Variants in SORCS2 observed in about 807,000 individuals in gnomAD.
The protein encoded by SORCS2 is sortilin related VPS10 domain containing receptor 2.
Under a neutral mutation model 141.6 loss-of-function variants are expected in SORCS2, and 100 were observed. The observed-to-expected ratio is 0.71, with a 90% CI of 0.60 to 0.83. The LOEUF (loss-of-function observed/expected upper bound fraction) is 0.83, where lower values mean the gene tolerates loss of function less well. Among genes scored for constraint, SORCS2 ranks in the 40% least tolerant of loss-of-function variants. The probability of loss-of-function intolerance (pLI) is 0.00; values close to 1 mark genes in which losing one functional copy is unlikely to be tolerated. For missense variants in SORCS2, 1,646 were observed against 1,560.2 expected (o/e 1.05, Z -0.93); for synonymous variants, 789 against 676.9 (o/e 1.17, Z -2.57).
At position 7,198,163 on chromosome 4, in the gene SORCS2, G is replaced by C. The variant is rs576892024; in HGVS notation, c.480+5037G>C. The stretch of plus-strand genomic sequence containing the variant: ...CTGTGGAGGGGGCTGAGGGAGAGGA[G>C]AGTGGGCTGGAGAGAGGTGCGTGGC... On this transcript the variant is annotated intron_variant, in intron 1 of 26. Transcript: ENST00000507866. Among the ~76,000 whole-genome samples the C allele has an allele frequency of 7.9e-5, 12 of 152,290 alleles. No individual in the cohort carries two copies. The South Asian group carries it at 2.5e-3, about 32-fold the overall frequency.
intron 6 of SORCS2, among the ~76,000 whole-genome samples, chr4:7,662,398 C>T (rs57420558): frequency 0.051 from 7,783 of 152,174 alleles, 385 homozygotes; most frequent in African/African-American, 0.13. Context: ...TCCTCCCTTT[C>T]TGAATTTCTT....
chr4:7,653,432 G>T (rs916743153), intron 4 of SORCS2, among the ~76,000 whole-genome samples: 2 of 152,196 alleles, frequency 1.3e-5, no homozygotes, highest in Admixed American at 6.5e-5. Context: ...TAGTAGAGGC[G>T]GGGTTTCTCC....
rs143606333 is a variant in SORCS2, at chr4:7,269,074, C to G, written c.480+75948C>G. On this transcript the variant is annotated intron_variant, in intron 1 of 26. Transcript: ENST00000507866. ...GTTGACGGGAGTAGGTCTAGGAGCC[C>G]CACAGGCAGCCGATTCAGCATCAGC... Among the ~76,000 whole-genome samples, 15 of 152,150 alleles carry G rather than the reference C, an allele frequency of 9.9e-5. No homozygotes were observed. In the East Asian group the frequency reaches 2.9e-3, roughly 29 times the overall value.
chr4:7,224,770 T>G (rs1017121698), intron 1 of SORCS2, among the ~76,000 whole-genome samples: 3 of 151,938 alleles, frequency 2.0e-5, no homozygotes, highest in Non-Finnish European at 4.4e-5. Flanking sequence ...CAGGGGCCCC[T>G]GTGGACCTCC....
rs1711642572 is a variant in SORCS2 at position 7,531,511 on chromosome 4, T to C, written c.549-19T>C. 6.2e-7 allele frequency: 1 copy of C among 1,611,432 alleles called. No individual in the cohort carries two copies. The highest frequency in any genetic ancestry group is 1.3e-5 in the African/African-American group (1 of 74,882). ...ACTTGGAGGGTACATGGCTGACGGC[T>C]GTCCCCCTTTTCCCCCAGGTCATCA... On this transcript the variant is annotated intron_variant, in intron 2 of 26. Transcript: ENST00000507866.
At chr4:7,282,031 AG>A (rs2108861081) in intron 1 of SORCS2, among the ~76,000 whole-genome samples, 1 of 152,302 alleles carries the variant, frequency 6.6e-6, no homozygotes, top group Non-Finnish European at 1.5e-5. Flanking sequence ...CCTAAGGGGA[AG>A]GGGAACCTCA....
chr4:7,499,585 C>T (rs933945999), intron 2 of SORCS2, among the ~76,000 whole-genome samples: 2 of 151,870 alleles, frequency 1.3e-5, no homozygotes, highest in Non-Finnish European at 2.9e-5. Flanking sequence ...CGGGTGGGGG[C>T]CGGCATGGGA....
At chr4:7,487,410 A>T (rs1429871314) in intron 2 of SORCS2, among the ~76,000 whole-genome samples, 1 of 152,002 alleles carries the variant, frequency 6.6e-6, no homozygotes, top group African/African-American at 2.4e-5. Flanking sequence ...TGGGGCCCAG[A>T]CCTCCACTTC....
chr4:7,714,335 G>A lies in SORCS2; in HGVS notation c.2085G>A (p.Thr695=), dbSNP rs200959630. The change falls in exon 16 of 27, where the codon ACG becomes ACA. Residue 695 remains threonine (T), a synonymous_variant. Coordinates refer to ENST00000507866, the MANE Select transcript of SORCS2 (RefSeq NM_020777.3). ...GGAGGAGCTTCACGTCGGCGCTCAC[G>A]TCCCGCGTGTGCGAGTGCCGGGACT... ...IKGRSFTSAL[T]SRVCECRDSD... 216 of 1,570,510 alleles carry A rather than the reference G, an allele frequency of 1.4e-4. No homozygotes were observed. The highest frequency in any genetic ancestry group is 3.7e-4 in the Admixed American group (20 of 53,374).
rs868559635 is a variant in SORCS2 at position 7,618,572 on chromosome 4, G to A, written c.649-19756G>A. Among the ~76,000 whole-genome samples the A allele has an allele frequency of 1.1e-4, 17 of 152,068 alleles. 1 individual carries two copies. Among genetic ancestry groups the A allele is most frequent in the African/African-American group, 2.4e-4 (10 of 41,376 alleles). On this transcript the variant is annotated intron_variant, in intron 3 of 26. Coordinates refer to ENST00000507866, the MANE Select transcript of SORCS2 (RefSeq NM_020777.3). The stretch of plus-strand genomic sequence containing the variant: ...CTCGCCCCTTCATGCCTCCAGCTTC[G>A]GGACTCCTGTGGTTTCTCCAAACGC...
chr4:7,399,441 C>G (rs555096006), intron 2 of SORCS2, among the ~76,000 whole-genome samples: 51 of 152,270 alleles, frequency 3.3e-4, no homozygotes, highest in Non-Finnish European at 6.0e-4. Context: ...GAAAGTGGCT[C>G]GAAGCTGAAT....
intron 1 of SORCS2, among the ~76,000 whole-genome samples, chr4:7,380,468 T>C (rs1722917359): frequency 1.1e-5 from 1 of 94,676 alleles, no homozygotes; most frequent in South Asian, 2.9e-4. Flanking sequence ...TGTTGGAGAT[T>C]CTGAATTCAA....
intron 3 of SORCS2, among the ~76,000 whole-genome samples, chr4:7,545,639 G>C (rs1191456771): frequency 6.6e-6 from 1 of 152,158 alleles, no homozygotes; most frequent in Admixed American, 6.5e-5. Flanking sequence ...TTGGACCCAC[G>C]ACTCTCTGAG....
chr4:7,193,282 A>G lies in SORCS2; in HGVS notation c.480+156A>G, dbSNP rs969721263. Among the ~76,000 whole-genome samples the G allele has an allele frequency of 2.0e-5, 3 of 152,122 alleles. No individual in the cohort carries two copies. Among genetic ancestry groups the G allele is most frequent in the Non-Finnish European group, 2.9e-5 (2 of 68,008 alleles). On this transcript the variant is annotated intron_variant, in intron 1 of 26. Transcript: ENST00000507866. This position sits in a 1 kb window ranked among gnomAD's most constrained non-coding sequence, Gnocchi z 4.8. ...CTTGGGTCACCTCGGCCGCGCCCCTACTGGCCTCTGGTCACTGGTTACTTG... is the reference window on the plus strand; with the variant it reads ...CTTGGGTCACCTCGGCCGCGCCCCTGCTGGCCTCTGGTCACTGGTTACTTG...
intron 1 of SORCS2, among the ~76,000 whole-genome samples, chr4:7,363,199 TCAC>T (rs199942866): frequency 0.13 from 18,595 of 147,982 alleles, 1,308 homozygotes; most frequent in East Asian, 0.38. Flanking sequence ...ACCTTCACCG[TCAC>T]CACCACCACC....
chr4:7,699,299 C>A (rs1368525407), intron 12 of SORCS2, among the ~76,000 whole-genome samples: 1 of 152,268 alleles, frequency 6.6e-6, no homozygotes, highest in South Asian at 2.1e-4. Context: ...CTGGAGCCAC[C>A]TTTTCCCAGA....
chr4:7,673,406 T>C (rs886429290), intron 8 of SORCS2, among the ~76,000 whole-genome samples: 6 of 152,240 alleles, frequency 3.9e-5, no homozygotes, highest in African/African-American at 1.4e-4. Flanking sequence ...ACGCTGACGG[T>C]TTCCCCGTAG....
chr4:7,729,762 G>T (rs1283757906), intron 23 of SORCS2, 50 bp downstream of exon 23: 9 of 1,577,104 alleles, frequency 5.7e-6, no homozygotes, highest in Non-Finnish European at 6.1e-6. Context: ...ACATCCCAGG[G>T]CTCGGGTCAT....
In SORCS2 at chr4:7,509,568, CCAT is replaced by C. The variant is rs372411275; in HGVS notation, c.549-21957_549-21955del. ...GACTCTGCGGTCGACGCTGGGGCCT[CCAT>C]CATCCCCATTTTCCAGATGGGAAGT... On this transcript the variant is annotated intron_variant, in intron 2 of 26. Transcript: ENST00000507866. Among the ~76,000 whole-genome samples the C allele has an allele frequency of 3.3e-5, 5 of 152,298 alleles. No individual in the cohort carries two copies. In the East Asian group the frequency reaches 5.8e-4, roughly 18 times the overall value.
Sources: gnomAD v4.1 joint callset for allele counts (sites outside exome capture counted in the v4.1 genomes callset) on GRCh38, gnomAD v4.1.1 for gene constraint, Gnocchi (gnomAD v3.1) non-coding constraint, MANE v1.5 for transcripts, NCBI Gene and HGNC (gene_info 2026-07-23, HGNC 2026-07-21) for gene names.